The following CAGE1 variants were observed in gnomAD, a reference collection of about 807,000 sequenced individuals.
CAGE1 encodes the protein cancer-associated gene 1 protein.
Under a neutral mutation model 94.9 loss-of-function variants are expected in CAGE1, and 66 were observed. The ratio of observed to expected loss-of-function variants is 0.70; its 90% CI spans 0.57 to 0.85. The LOEUF is 0.85. Ranked by LOEUF, CAGE1 falls within the 40% of genes least tolerant of loss-of-function variation. The pLI is 0.00. For missense variants in CAGE1, 865 were observed against 950.4 expected (o/e 0.91, Z 1.18); for synonymous variants, 319 against 321.0 (o/e 0.99, Z 0.07).
chr6:7,330,134 T>C (rs532824669), intron 12 of CAGE1, among the ~76,000 whole-genome samples: 22 of 152,314 alleles, frequency 1.4e-4, no homozygotes, highest in Admixed American at 1.3e-3. Context: ...ACACCTGTAA[T>C]CCCAGCACTT....
intron 3 of CAGE1, among the ~76,000 whole-genome samples, chr6:7,383,630 T>C (rs1761013475): frequency 6.6e-6 from 1 of 152,236 alleles, no homozygotes; most frequent in Non-Finnish European, 1.5e-5. Flanking sequence ...GCAGGGTAAG[T>C]CTCCACATCT....
intron 7 of CAGE1, 51 bp from the exon 8 acceptor site, chr6:7,365,935 C>T (rs1760317703): frequency 2.8e-6 from 3 of 1,066,724 alleles, no homozygotes. Flanking sequence ...CAACTACGCT[C>T]TAATATTTAT....
chr6:7,327,859 A>G (rs1425047571), intron 13 of CAGE1, among the ~76,000 whole-genome samples: 1 of 152,038 alleles, frequency 6.6e-6, no homozygotes, highest in Non-Finnish European at 1.5e-5. Flanking sequence ...GAACCCCGGA[A>G]GTGGAGGTTG....
chr6:7,352,565 A>G (rs867409818), intron 11 of CAGE1, among the ~76,000 whole-genome samples: 2 of 152,324 alleles, frequency 1.3e-5, no homozygotes, highest in Middle Eastern at 6.8e-3. Flanking sequence ...ATATGGAATC[A>G]AAAGAGAGCC....
chr6:7,343,168 G>A (rs1418896252), intron 11 of CAGE1, among the ~76,000 whole-genome samples: 15 of 133,916 alleles, frequency 1.1e-4, no homozygotes, highest in Non-Finnish European at 2.0e-4. Context: ...CAGCCCAGGC[G>A]ACAGTGCGAG....
Position 7,339,542 on chromosome 6 carries a change from C to T in CAGE1, c.2370-5452G>A, listed in dbSNP as rs1759091546. On this transcript the variant is annotated intron_variant, in intron 11 of 13. Coordinates refer to ENST00000502583, the MANE Select transcript of CAGE1 (RefSeq NM_001170692.2). This position sits in a 1 kb window ranked among gnomAD's most constrained non-coding sequence, Gnocchi z 4.7. ...AGAAGATGCCATCAGTGACAAACTT[C>T]CTCTTCTTGGAAATTTGTAAGGCGA... is the stretch of plus-strand genomic sequence containing the variant. 1 of 785,220 alleles carries T rather than the reference C, an allele frequency of 1.3e-6. No homozygotes were observed. The highest frequency in any genetic ancestry group is 1.7e-5 in the African/African-American group (1 of 59,196). 48.6% of individuals were successfully genotyped at this position (785,220 alleles called of 1,614,324 possible).
chr6:7,379,411 C>G (rs1349223569), intron 3 of CAGE1, among the ~76,000 whole-genome samples: 6 of 152,052 alleles, frequency 3.9e-5, no homozygotes, highest in African/African-American at 1.4e-4. Context: ...TCACAAAAAT[C>G]CCATGATGTC....
chr6:7,330,926 T>C (rs566336377), intron 12 of CAGE1, among the ~76,000 whole-genome samples: 8 of 152,358 alleles, frequency 5.3e-5, no homozygotes, highest in South Asian at 2.1e-4. Flanking sequence ...ATTTAAATTT[T>C]CTTATTTTAA....
chr6:7,344,847 G>A (rs1759366976), intron 11 of CAGE1, among the ~76,000 whole-genome samples: 2 of 152,206 alleles, frequency 1.3e-5, no homozygotes, highest in Admixed American at 6.5e-5. Flanking sequence ...TAGCTATTCT[G>A]GTGGGGCCTT....
intron 12 of CAGE1, 25 bp from the exon 13 acceptor site, chr6:7,329,913 T>C (rs372774249): frequency 1.7e-6 from 2 of 1,188,090 alleles, no homozygotes; most frequent in African/African-American, 3.0e-5. Context: ...AAGAAAATAA[T>C]GTAAAAAGGA....
chr6:7,386,773 G>C (rs527986266), intron 2 of CAGE1, among the ~76,000 whole-genome samples: 229 of 152,282 alleles, frequency 1.5e-3, no homozygotes, highest in Middle Eastern at 6.8e-3. Context: ...TTTTAGCAGA[G>C]ATGGGGTCTC....
At chr6:7,388,453 C>A (rs1184953247) in intron 1 of CAGE1, among the ~76,000 whole-genome samples, 1 of 152,214 alleles carries the variant, frequency 6.6e-6, no homozygotes, top group Non-Finnish European at 1.5e-5. Flanking sequence ...TGTTTTAGAG[C>A]TTCACCACTG....
Position 7,389,274 on chromosome 6 carries a change from T to C in CAGE1, c.-96A>G, listed in dbSNP as rs1761249409. 2.2e-6 allele frequency: 1 copy of C among 456,276 alleles called. No individual in the cohort carries two copies. Among genetic ancestry groups the C allele is most frequent in the Non-Finnish European group, 4.4e-6 (1 of 226,944 alleles). 28.3% of individuals were successfully genotyped at this position (456,276 alleles called of 1,614,324 possible). A position where few individuals can be genotyped will look rare whatever the true frequency, so the allele number is the denominator to read the frequency against. ...CACCAAACTTTTTAAGACACAAAAG[T>C]GTGCTCACTTCCAGGATCCATAGTT... On this transcript the variant is annotated 5_prime_UTR_variant, in exon 1 of 14. Transcript: ENST00000502583.
chr6:7,365,467 C>T lies in CAGE1; in HGVS notation c.2193+1G>A, dbSNP rs771776697. 2 of 1,610,962 alleles carry T rather than the reference C, an allele frequency of 1.2e-6. No homozygotes were observed. Among genetic ancestry groups the T allele is most frequent in the South Asian group, 2.2e-5 (2 of 90,478 alleles). ...GCAAGGTAAAAAAAGGTCTTTCTTACCAAGAAATCAAGCTCCTCATTTAGA... is the reference window on the plus strand; with the variant it reads ...GCAAGGTAAAAAAAGGTCTTTCTTATCAAGAAATCAAGCTCCTCATTTAGA... On this transcript the variant is annotated splice_donor_variant, in intron 9 of 13. Transcript: ENST00000502583. LOFTEE classifies it high-confidence loss of function.
intron 9 of CAGE1, 111 bp downstream of exon 9, chr6:7,365,357 T>G (rs1012679662): frequency 1.3e-5 from 10 of 767,244 alleles, no homozygotes; most frequent in African/African-American, 8.8e-5. Flanking sequence ...GATGCCAGTG[T>G]GTGACCCTTT....
chr6:7,340,546 C>A (rs1759124946), intron 11 of CAGE1, among the ~76,000 whole-genome samples: 1 of 152,180 alleles, frequency 6.6e-6, no homozygotes, highest in African/African-American at 2.4e-5. Context: ...GGCCTTCCCA[C>A]CCCAACCCCA....
At chr6:7,341,153 TG>T in intron 11 of CAGE1, 1 of 571,932 alleles carries the variant, frequency 1.7e-6, no homozygotes. Context: ...TAGTTATTGG[TG>T]GGCAGGTACA....
chr6:7,365,589 T>C lies in CAGE1; in HGVS notation c.2086-14A>G, dbSNP rs1464936970. The C allele has an allele frequency of 1.9e-6, 3 of 1,600,686 alleles. No homozygotes were observed. Among genetic ancestry groups the C allele is most frequent in the Non-Finnish European group, 2.6e-6 (3 of 1,170,712 alleles). ...ACAGTCTATGACCTGAGATTAAATA[T>C]ATTTGTTCTCACTTTCAATCATTTC... is the stretch of plus-strand genomic sequence containing the variant. On this transcript the variant is annotated splice_polypyrimidine_tract_variant and intron_variant, in intron 8 of 13. Coordinates refer to ENST00000502583, the MANE Select transcript of CAGE1 (RefSeq NM_001170692.2).
chr6:7,336,682 G>A (rs1758963457), intron 11 of CAGE1, among the ~76,000 whole-genome samples: 2 of 151,856 alleles, frequency 1.3e-5, no homozygotes, highest in African/African-American at 4.8e-5. Flanking sequence ...GCTAATTTTT[G>A]TATTTTTAGT....
Sources: gnomAD v4.1 joint callset for allele counts (sites outside exome capture counted in the v4.1 genomes callset) on GRCh38, gnomAD v4.1.1 for gene constraint, Gnocchi (gnomAD v3.1) non-coding constraint, MANE v1.5 for transcripts, NCBI Gene and HGNC (gene_info 2026-07-23, HGNC 2026-07-21) for gene names.